The following DPP6 variants were observed in gnomAD, a reference collection of about 807,000 sequenced individuals.
The protein encoded by DPP6 is dipeptidyl peptidase like 6.
In DPP6, 69 loss-of-function variants were observed where a neutral mutation model predicts 122.6. The observed-to-expected ratio is 0.56, with a 90% confidence interval of 0.46 to 0.69. The LOEUF (loss-of-function observed/expected upper bound fraction) is 0.69. Ranked by LOEUF, DPP6 falls within the 30% of genes least tolerant of loss-of-function variation. The pLI is 0.00. For synonymous variants in DPP6, 418 were observed against 433.1 expected (o/e 0.97, Z 0.43); for missense variants, 928 against 1,116.9 (o/e 0.83, Z 2.41).
At chr7:153,812,486 T>A in the DPP6 span, among the ~76,000 whole-genome samples, 1 of 152,034 alleles carries the variant, frequency 6.6e-6, no homozygotes, top group African/African-American at 2.4e-5. Context: ...GTGGCTAAAT[T>A]ACAAACTCAG....
intron 1 of DPP6, among the ~76,000 whole-genome samples, chr7:153,914,062 C>T (rs1800202895): frequency 6.6e-6 from 1 of 152,078 alleles, no homozygotes; most frequent in South Asian, 2.1e-4. Context: ...AATTGTAGCT[C>T]CCATAATTCC....
At chr7:154,578,501 TCGGGC>T (rs1831831831) in intron 5 of DPP6, among the ~76,000 whole-genome samples, 2 of 1,506 alleles carry the variant, frequency 1.3e-3, no homozygotes, top group East Asian at 0.071. Flanking sequence ...CAGGGGCTAT[TCGGGC>T]TTGGCAGGGG....
intron 10 of DPP6, among the ~76,000 whole-genome samples, chr7:154,791,468 G>T (rs533310469): frequency 1.3e-5 from 2 of 152,196 alleles, no homozygotes; most frequent in East Asian, 3.9e-4. Flanking sequence ...ATCAGATCTC[G>T]TGAGAACTTA....
intron 2 of DPP6, among the ~76,000 whole-genome samples, chr7:154,468,868 A>C (rs1586366192): frequency 6.6e-6 from 1 of 152,348 alleles, no homozygotes; most frequent in East Asian, 1.9e-4. Flanking sequence ...TTTTAAGATA[A>C]ATTAGTATCT....
chr7:154,299,033 G>A (rs1308500199), intron 1 of DPP6, among the ~76,000 whole-genome samples: 2 of 152,220 alleles, frequency 1.3e-5, no homozygotes, highest in Admixed American at 6.5e-5. Flanking sequence ...CAGGAGAAAT[G>A]TGTTCTGCAA....
intron 1 of DPP6, among the ~76,000 whole-genome samples, chr7:154,177,245 C>T (rs1239454940): frequency 2.6e-5 from 4 of 151,988 alleles, no homozygotes; most frequent in Non-Finnish European, 5.9e-5. Flanking sequence ...TGGATGGCTT[C>T]AATACAAGGT....
intron 1 of DPP6, among the ~76,000 whole-genome samples, chr7:154,169,138 C>A (rs562984185): frequency 6.6e-5 from 10 of 152,234 alleles, no homozygotes; most frequent in Admixed American, 6.5e-4. Flanking sequence ...CAATCAGTTG[C>A]TATTCTGAGT....
At chr7:154,253,297 G>A (rs968534323) in intron 1 of DPP6, among the ~76,000 whole-genome samples, 3 of 152,180 alleles carry the variant, frequency 2.0e-5, no homozygotes, top group Non-Finnish European at 4.4e-5. Flanking sequence ...ACCTTCCCTG[G>A]TAGGTACCTG....
At chr7:154,320,045 C>T (rs1807803040) in intron 1 of DPP6, among the ~76,000 whole-genome samples, 1 of 144,862 alleles carries the variant, frequency 6.9e-6, no homozygotes, top group South Asian at 2.1e-4. Flanking sequence ...ACATGAACTA[C>T]TATGTAATTT....
chr7:154,845,281 C>T (rs147751056), intron 16 of DPP6, among the ~76,000 whole-genome samples: 327 of 152,282 alleles, frequency 2.1e-3, no homozygotes, highest in African/African-American at 6.8e-3. Context: ...GGTTGGAACA[C>T]GGTCAGAGCA....
the DPP6 span, among the ~76,000 whole-genome samples, chr7:153,827,748 A>G: frequency 6.6e-6 from 1 of 152,084 alleles, no homozygotes; most frequent in Non-Finnish European, 1.5e-5. Context: ...ATGTGGCCCC[A>G]AACTCCCACC....
In DPP6 at chr7:154,875,914, C is replaced by A. The variant is rs754344605; in HGVS notation, c.1892C>A (p.Thr631Asn). ...CGGGATTCTCTTTCCAGGGATGGCA[C>A]CCCAGGCAGCCAGAGTGTGGCTGAG... The part of the protein sequence containing the change: ...HYPLLLVVDG[T>N]PGSQSVAEKF... The change falls in exon 20 of 26, where the codon ACC becomes AAC. Residue 631 changes from threonine to asparagine, a missense_variant. Thr to Asn is a moderately conservative substitution (Grantham distance 65). Transcript: ENST00000377770. This position sits in a 1 kb window ranked among gnomAD's most constrained non-coding sequence, Gnocchi z 4.5. 2 of 1,609,804 alleles carry A rather than the reference C, an allele frequency of 1.2e-6. No individual in the cohort carries two copies. The highest frequency in any genetic ancestry group is 1.1e-5 in the South Asian group (1 of 90,358).
intron 1 of DPP6, among the ~76,000 whole-genome samples, chr7:154,079,028 G>A (rs1290624266): frequency 4.0e-5 from 6 of 151,708 alleles, no homozygotes; most frequent in Non-Finnish European, 8.8e-5. Context: ...GGAGGCCGAG[G>A]TGGGTGTATC....
chr7:153,945,269 A>G (rs557108324), intron 1 of DPP6, among the ~76,000 whole-genome samples: 4 of 152,284 alleles, frequency 2.6e-5, no homozygotes, highest in African/African-American at 9.6e-5. Flanking sequence ...TTGTGAGAAG[A>G]CAGGTCCATC....
intron 19 of DPP6, among the ~76,000 whole-genome samples, chr7:154,873,483 CTG>C (rs975641010): frequency 1.3e-5 from 2 of 152,140 alleles, no homozygotes; most frequent in Non-Finnish European, 2.9e-5. Context: ...CTATGCTGGG[CTG>C]TGTTAAGGAT....
chr7:154,673,953 C>G (rs906153264), intron 7 of DPP6, among the ~76,000 whole-genome samples: 2 of 151,798 alleles, frequency 1.3e-5, no homozygotes, highest in Admixed American at 6.6e-5. Flanking sequence ...TCTGCTCACT[C>G]CAACCTCCAC....
At chr7:154,334,199 A>C (rs1809197153) in intron 1 of DPP6, among the ~76,000 whole-genome samples, 1 of 152,140 alleles carries the variant, frequency 6.6e-6, no homozygotes, top group African/African-American at 2.4e-5. Flanking sequence ...AAAAAAAAAA[A>C]AAAACCTTTG....
chr7:154,270,736 G>A (rs1309332749), intron 1 of DPP6, among the ~76,000 whole-genome samples: 3 of 152,140 alleles, frequency 2.0e-5, no homozygotes, highest in South Asian at 2.1e-4. Flanking sequence ...CTGCAGAACA[G>A]GGGATGACTT....
intron 7 of DPP6, among the ~76,000 whole-genome samples, chr7:154,708,759 G>T (rs550677694): frequency 1.3e-5 from 2 of 152,274 alleles, no homozygotes; most frequent in East Asian, 3.9e-4. Flanking sequence ...TAATAACATG[G>T]AAAAGCATCC....
Sources: gnomAD v4.1 joint callset for allele counts (sites outside exome capture counted in the v4.1 genomes callset) on GRCh38, gnomAD v4.1.1 for gene constraint, Gnocchi (gnomAD v3.1) non-coding constraint, MANE v1.5 for transcripts, NCBI Gene and HGNC (gene_info 2026-07-23, HGNC 2026-07-21) for gene names.